ACER3: variants seen among roughly 807,000 people sequenced by gnomAD.
ACER3 encodes the protein alkCDase 3.
Under a neutral mutation model 48.9 loss-of-function variants are expected in ACER3, and 16 were observed. The observed-to-expected ratio is 0.33, with a 90% CI of 0.22 to 0.50. The LOEUF is 0.50. Ranked by LOEUF, ACER3 falls within the 20% of genes least tolerant of loss-of-function variation. The probability of loss-of-function intolerance (pLI) is 0.98; values close to 1 mark genes in which losing one functional copy is unlikely to be tolerated. For synonymous variants in ACER3, 109 were observed against 107.8 expected (o/e 1.01, Z -0.07); for missense variants, 227 against 326.0 (o/e 0.70, Z 2.34).
At chr11:76,967,048 G>C (rs1026417890) in intron 3 of ACER3, among the ~76,000 whole-genome samples, 1 of 151,812 alleles carries the variant, frequency 6.6e-6, no homozygotes, top group Non-Finnish European at 1.5e-5. Flanking sequence ...CAACAAAATT[G>C]ATAGACCGCT....
chr11:76,975,874 CTTTTTTTTTTTTT>C (rs34786738), intron 3 of ACER3, among the ~76,000 whole-genome samples: 3 of 82,772 alleles, frequency 3.6e-5, no homozygotes, highest in African/African-American at 1.3e-4. Flanking sequence ...TTTTTCTTTT[CTTTTTTTTTTTTT>C]TTTTTTTTTT....
intron 1 of ACER3, among the ~76,000 whole-genome samples, chr11:76,863,955 A>G (rs1355487747): frequency 6.6e-6 from 1 of 152,192 alleles, no homozygotes; most frequent in Non-Finnish European, 1.5e-5. Context: ...TTGCCCCTAT[A>G]TTCAAGAAAG....
intron 1 of ACER3, among the ~76,000 whole-genome samples, chr11:76,869,808 A>G (rs1012393282): frequency 1.3e-5 from 2 of 152,194 alleles, no homozygotes; most frequent in Non-Finnish European, 2.9e-5. Context: ...ATGTTATAGC[A>G]ATCAGAATTT....
intron 6 of ACER3, among the ~76,000 whole-genome samples, chr11:76,994,899 G>A (rs1948881233): frequency 6.6e-6 from 1 of 152,126 alleles, no homozygotes; most frequent in Non-Finnish European, 1.5e-5. Context: ...CCATTAAAGG[G>A]TTTTAAGCTG....
At position 77,025,408 on chromosome 11, in the gene ACER3, A is replaced by ATATATATATATATATATATATT. The variant is rs1555025501; in HGVS notation, c.*5084_*5085insATATATATATATATATATTTAT. On this transcript the variant is annotated 3_prime_UTR_variant, in exon 11 of 11. Coordinates refer to ENST00000532485, the MANE Select transcript of ACER3 (RefSeq NM_018367.7). ...TTTTATTCTTTATATATATATATATATATTTATTTATTTTTTTGAGACAGA... is the reference window on the plus strand; with the variant it reads ...TTTTATTCTTTATATATATATATATATATATATATATATATATATATTTATTTATTTATTTTTTTGAGACAGA... 1 of 144,114 alleles carries ATATATATATATATATATATATT rather than the reference A, an allele frequency of 6.9e-6. No homozygotes were observed. The highest frequency in any genetic ancestry group is 2.6e-5 in the African/African-American group (1 of 37,888). 8.9% of individuals were successfully genotyped at this position (144,114 alleles called of 1,614,324 possible). A position where few individuals can be genotyped will look rare whatever the true frequency, so the allele number is the denominator to read the frequency against.
chr11:76,897,093 G>A (rs535275830), intron 1 of ACER3, among the ~76,000 whole-genome samples: 57 of 152,224 alleles, frequency 3.7e-4, no homozygotes, highest in African/African-American at 1.3e-3. Context: ...GAGTAGCTGG[G>A]ATTGCAGGTG....
chr11:76,889,177 A>G (rs113268508), intron 1 of ACER3, among the ~76,000 whole-genome samples: 2 of 151,602 alleles, frequency 1.3e-5, no homozygotes, highest in East Asian at 1.9e-4. Flanking sequence ...CTGAAACCCA[A>G]CCTCCTATGG....
At chr11:76,968,524 T>G (rs1337924534) in intron 3 of ACER3, among the ~76,000 whole-genome samples, 4 of 151,994 alleles carry the variant, frequency 2.6e-5, no homozygotes, top group African/African-American at 4.8e-5. Flanking sequence ...GAGGCATCAC[T>G]CTACCTGACT....
chr11:76,961,033 G>C (rs1947981026), intron 3 of ACER3, among the ~76,000 whole-genome samples: 1 of 152,156 alleles, frequency 6.6e-6, no homozygotes, highest in Non-Finnish European at 1.5e-5. Flanking sequence ...GGCTGTCTAA[G>C]TGGAGGTGCA....
chr11:76,991,359 T>C (rs1948797300), intron 6 of ACER3, among the ~76,000 whole-genome samples: 1 of 152,240 alleles, frequency 6.6e-6, no homozygotes, highest in Non-Finnish European at 1.5e-5. Context: ...TTTGTGCTTA[T>C]ATAAACATTT....
chr11:76,953,346 C>A (rs1269309865), intron 2 of ACER3, among the ~76,000 whole-genome samples: 1 of 152,128 alleles, frequency 6.6e-6, no homozygotes, highest in Admixed American at 6.5e-5. Context: ...CACCTGTAAT[C>A]CCAGCGCTTT....
chr11:76,909,368 A>G (rs1443051039), intron 1 of ACER3, among the ~76,000 whole-genome samples: 1 of 152,178 alleles, frequency 6.6e-6, no homozygotes. Context: ...TTTGCAATCT[A>G]TCCATCTGAC....
At chr11:76,958,183 CTT>C (rs10555039) in intron 2 of ACER3, among the ~76,000 whole-genome samples, 12,699 of 125,730 alleles carry the variant, frequency 0.1, 1,822 homozygotes, top group African/African-American at 0.36. Context: ...TTATTAGCAA[CTT>C]TTTTTTTTTT....
rs1555024214 is a variant in ACER3 at position 77,020,362 on chromosome 11, AC to A, written c.*37del. 6.2e-7 allele frequency: 1 copy of A among 1,601,838 alleles called. No individual in the cohort carries two copies. Among genetic ancestry groups the A allele is most frequent in the East Asian group, 2.2e-5 (1 of 44,828 alleles). Reference sequence around the variant, plus strand: ...CCACCAAGAAAACAAACAAGCACCTACCATAGACCTGGCAGAATAAATAAGG... The same window carrying A: ...CCACCAAGAAAACAAACAAGCACCTACATAGACCTGGCAGAATAAATAAGG... On this transcript the variant is annotated 3_prime_UTR_variant, in exon 11 of 11. Coordinates refer to ENST00000532485, the MANE Select transcript of ACER3 (RefSeq NM_018367.7).
chr11:76,940,409 G>C (rs939216980), intron 2 of ACER3, among the ~76,000 whole-genome samples: 3 of 151,900 alleles, frequency 2.0e-5, no homozygotes, highest in African/African-American at 7.3e-5. Context: ...ATGGGAAATG[G>C]GTTAAAATAT....
intron 9 of ACER3, chr11:77,019,528 C>T (rs1949435352): frequency 1.7e-6 from 1 of 586,448 alleles, no homozygotes; most frequent in Non-Finnish European, 3.1e-6. Context: ...GCCTAGATTA[C>T]AGCACATCCA....
chr11:76,914,932 C>CA (rs1234188816), intron 1 of ACER3, among the ~76,000 whole-genome samples: 6 of 152,108 alleles, frequency 3.9e-5, no homozygotes, highest in Non-Finnish European at 8.8e-5. Context: ...TCATTCTCAG[C>CA]AAACTATCAC....
chr11:76,868,353 T>C lies in ACER3; in HGVS notation c.103+7274T>C, dbSNP rs1466039015. ...GCCAAATGAAAGGACAAATTGAGTG[T>C]ACAAAAGAGTTTAGTTTTAATATCT... is the stretch of plus-strand genomic sequence containing the variant. On this transcript the variant is annotated intron_variant, in intron 1 of 10. Transcript: ENST00000532485. The C allele has an allele frequency of 6.1e-6, 7 of 1,147,552 alleles. No individual in the cohort carries two copies. In the African/African-American group the frequency reaches 8.2e-5, roughly 13 times the overall value. The allele number at this position is 1,147,552 out of a possible 1,614,324, so 71.1% of individuals were successfully genotyped here.
chr11:76,907,275 G>A (rs1946259535), intron 1 of ACER3, among the ~76,000 whole-genome samples: 1 of 152,164 alleles, frequency 6.6e-6, no homozygotes, highest in Non-Finnish European at 1.5e-5. Context: ...AGCACCTTTT[G>A]TGTTATCTGG....
Sources: gnomAD v4.1 joint callset for allele counts (sites outside exome capture counted in the v4.1 genomes callset) on GRCh38, gnomAD v4.1.1 for gene constraint, MANE v1.5 for transcripts, NCBI Gene and HGNC (gene_info 2026-07-23, HGNC 2026-07-21) for gene names.